Variants in IL13RA2 observed in about 807,000 individuals in gnomAD.
IL13RA2 encodes the protein interleukin-13 receptor subunit alpha-2.
A neutral mutation model predicts 34.1 loss-of-function variants in IL13RA2; 25 were observed. The observed-to-expected ratio is 0.73, with a 90% CI of 0.53 to 1.03. The LOEUF is 1.03. Among genes scored for constraint, IL13RA2 ranks in the 50% least tolerant of loss-of-function variants. The pLI, the probability that IL13RA2 is intolerant of heterozygous loss-of-function variation, is 0.00. For missense variants in IL13RA2, 297 were observed against 280.9 expected (o/e 1.06, Z -0.41); for synonymous variants, 106 against 100.4 (o/e 1.06, Z -0.33).
intron 4 of IL13RA2, 111 bp from the exon 5 acceptor site, chrX:115,014,000 T>A: frequency 1.7e-6 from 1 of 579,970 alleles, no homozygotes; most frequent in Non-Finnish European, 2.9e-6. Context: ...TATTTTGCAA[T>A]CAACATAACA....
chrX:115,007,360 T>G (rs1293356863), intron 8 of IL13RA2, among the ~76,000 whole-genome samples: 8 of 112,190 alleles, frequency 7.1e-5, no homozygotes, highest in African/African-American at 2.6e-4. Flanking sequence ...TATTAGTAAT[T>G]TCTACTCTTA....
At chrX:115,010,279 C>T (rs1466922164) in intron 6 of IL13RA2, among the ~76,000 whole-genome samples, 1 of 111,578 alleles carries the variant, frequency 9.0e-6, no homozygotes, top group African/African-American at 3.3e-5. Context: ...AAATATCCAG[C>T]CATTTGTCTA....
chrX:115,014,500 C>T lies in IL13RA2; in HGVS notation c.321G>A (p.Thr107=), dbSNP rs1215845247. ...LNKGIEAKIH[T]LLPWQCTNGS... ...CATTTGTGCATTGCCATGGTAAAAG[C>T]GTGTGTATCTTCGCTTCAATGCCCT... Residue 107 remains threonine (T), a synonymous_variant, in exon 4 of 10, where the codon ACG becomes ACA. Coordinates refer to ENST00000243213, the MANE Select transcript of IL13RA2 (RefSeq NM_000640.3). 5 of 1,188,488 alleles carry T rather than the reference C, an allele frequency of 4.2e-6. No homozygotes were observed. In the Admixed American group the frequency reaches 8.8e-5, roughly 21 times the overall value.
At chrX:115,009,776 G>A (rs1556508492) in intron 6 of IL13RA2, 110 bp from the exon 7 acceptor site, 10 of 609,210 alleles carry the variant, frequency 1.6e-5, no homozygotes, top group Non-Finnish European at 2.6e-5. Flanking sequence ...GATAAACCAA[G>A]TGGCTCAGTA....
intron 3 of IL13RA2, 129 bp from the exon 4 acceptor site, chrX:115,014,703 A>G: frequency 2.8e-6 from 1 of 352,086 alleles, no homozygotes; most frequent in Non-Finnish European, 4.9e-6. Flanking sequence ...CCTAGAGACT[A>G]TTTGATACAA....
intron 7 of IL13RA2, 33 bp downstream of exon 7, chrX:115,009,488 T>G (rs782526979): frequency 8.8e-7 from 1 of 1,138,920 alleles, no homozygotes; most frequent in Non-Finnish European, 1.2e-6. Flanking sequence ...AGGCTGTAGT[T>G]ATGATTTTCC....
intron 5 of IL13RA2, among the ~76,000 whole-genome samples, chrX:115,011,184 T>C (rs1466456599): frequency 8.9e-6 from 1 of 111,894 alleles, no homozygotes; most frequent in African/African-American, 3.2e-5. Context: ...GTACAAATAA[T>C]CCTGCATGAT....
chrX:115,012,764 T>TCAAA (rs1285072910), intron 5 of IL13RA2, among the ~76,000 whole-genome samples: 1 of 94,290 alleles, frequency 1.1e-5, no homozygotes, highest in East Asian at 2.9e-4. Context: ...GACTCTTGTC[T>TCAAA]CAAACAAACA....
At chrX:115,005,069 T>C in intron 9 of IL13RA2, 128 bp downstream of exon 9, 1 of 462,912 alleles carries the variant, frequency 2.2e-6, no homozygotes, top group Non-Finnish European at 3.8e-6. Flanking sequence ...TCATAATCCA[T>C]ACGGAATCAA....
Position 115,009,662 on chromosome X carries a change from T to C in IL13RA2, c.711A>G (p.Lys237=), listed in dbSNP as rs782609401. The change falls in exon 7 of 10, where the codon AAA becomes AAG. Residue 237 remains lysine, a synonymous_variant. Transcript: ENST00000243213. ...AAGTAAGATAGACTGGCGGCAAAGG[T>C]TTAACTGAAAAGCAAAAGAGAACCA... The part of the protein sequence containing the change: ...YFTFQLQNIV[K]PLPPVYLTFT... The C allele has an allele frequency of 9.1e-6, 11 of 1,206,522 alleles. No homozygotes were observed. The highest frequency in any genetic ancestry group is 1.2e-5 in the Non-Finnish European group (11 of 891,573).
intron 3 of IL13RA2, among the ~76,000 whole-genome samples, chrX:115,015,298 C>T (rs1190064543): frequency 9.0e-6 from 1 of 111,596 alleles, no homozygotes; most frequent in Non-Finnish European, 1.9e-5. Flanking sequence ...GATAAATAAG[C>T]CTTGTCTCCT....
intron 8 of IL13RA2, among the ~76,000 whole-genome samples, chrX:115,007,501 T>C (rs2071689802): frequency 8.9e-6 from 1 of 111,997 alleles, no homozygotes; most frequent in Non-Finnish European, 1.9e-5. Flanking sequence ...ATGGAATGAA[T>C]ATGTATTTTA....
At chrX:115,017,000 C>A in intron 2 of IL13RA2, among the ~76,000 whole-genome samples, 176 bp downstream of exon 2, 1 of 111,143 alleles carries the variant, frequency 9.0e-6, no homozygotes, top group East Asian at 2.8e-4. Flanking sequence ...AAGAAAGTGA[C>A]TAGTAAGAAC....
Position 115,010,804 on chromosome X carries a change from TA to T in IL13RA2, c.545del (p.Leu182TyrfsTer14). On this transcript the variant is annotated frameshift_variant, in exon 6 of 10. Transcript: ENST00000243213. LOFTEE classifies it high-confidence loss of function. The stretch of plus-strand genomic sequence containing the variant: ...CAGCCTTGATGTAATCAACACACTG[TA>T]ATGCATGATCCAAGCCCTCATACCT... ...FYWYEGLDHA[L>X]QCVDYIKADG... 1 of 1,107,264 alleles carries T rather than the reference TA, an allele frequency of 9.0e-7. No homozygotes were observed. The highest frequency in any genetic ancestry group is 1.2e-6 in the Non-Finnish European group (1 of 826,538). The allele number at this position is 1,107,264 out of a possible 1,213,427, so 91.3% of individuals were successfully genotyped here.
At chrX:115,005,404 G>A (rs2071681550) in intron 8 of IL13RA2, 89 bp from the exon 9 acceptor site, 1 of 555,695 alleles carries the variant, frequency 1.8e-6, no homozygotes, top group African/African-American at 2.3e-5. Flanking sequence ...CTTCAGAACT[G>A]AGTTGAGCTT....
chrX:115,017,317 T>TA lies in IL13RA2; in HGVS notation c.-33-16dup, dbSNP rs2071732373. ...ATATTGCCTCTCTATGAAGGAAAAATATAACATTTTAACTTTATCTTACAT... is the reference window on the plus strand; with the variant it reads ...ATATTGCCTCTCTATGAAGGAAAAATAATAACATTTTAACTTTATCTTACAT... On this transcript the variant is annotated splice_polypyrimidine_tract_variant and intron_variant, in intron 1 of 9. Coordinates refer to ENST00000243213, the MANE Select transcript of IL13RA2 (RefSeq NM_000640.3). 3.3e-6 allele frequency: 2 copies of TA among 602,689 alleles called. No homozygotes were observed. Among genetic ancestry groups the TA allele is most frequent in the Non-Finnish European group, 5.7e-6 (2 of 350,556 alleles). The allele number at this position is 602,689 out of a possible 1,213,427, so 49.7% of individuals were successfully genotyped here.
chrX:115,010,497 C>A (rs1483252023), intron 6 of IL13RA2, 147 bp downstream of exon 6: 1 of 351,808 alleles, frequency 2.8e-6, no homozygotes, highest in East Asian at 4.2e-5. Context: ...ATTTTTCTGT[C>A]TTTGCATTTC....
At chrX:115,010,577 C>G (rs2071702341) in intron 6 of IL13RA2, 67 bp downstream of exon 6, 2 of 509,416 alleles carry the variant, frequency 3.9e-6, no homozygotes, top group Non-Finnish European at 6.6e-6. Context: ...CTCTCACCCT[C>G]TCAAGTGGTT....
chrX:115,009,181 G>A lies in IL13RA2; in HGVS notation c.852+340C>T, dbSNP rs182695081. Among the ~76,000 whole-genome samples, 148 of 107,564 alleles carry A rather than the reference G, an allele frequency of 1.4e-3. No homozygotes were observed. The Admixed American group carries it at 0.015, about 11-fold the overall frequency. The allele number at this position is 107,564 out of a possible 115,157, so 93.4% of individuals were successfully genotyped here. On this transcript the variant is annotated intron_variant, in intron 7 of 9. Transcript: ENST00000243213. The stretch of plus-strand genomic sequence containing the variant: ...ATACTGTAATTTTGACCTGATGGTT[G>A]TTCCTCAATAAGTGGTCTTTGTGGG...
Sources: allele counts gnomAD v4.1 joint callset (sites outside exome capture counted in the v4.1 genomes callset), GRCh38; gene constraint gnomAD v4.1.1; transcripts MANE v1.5; gene names NCBI Gene and HGNC (gene_info 2026-07-23, HGNC 2026-07-21).